Variants in GSE1 observed in about 807,000 individuals in gnomAD.
GSE1 encodes genetic suppressor element 1.
GSE1 carries 32 observed loss-of-function variants against 112.6 expected under a neutral mutation model. That is an observed-to-expected ratio of 0.28 (90% CI 0.21 to 0.38). GSE1 has a LOEUF of 0.38. Ranked by LOEUF, GSE1 falls within the 10% of genes least tolerant of loss-of-function variation. GSE1 has a pLI of 1.00. For missense variants in GSE1, 2,348 were observed against 1,699.2 expected (o/e 1.38, Z -6.71); for synonymous variants, 1,115 against 735.6 (o/e 1.52, Z -8.35).
chr16:85,518,456 G>A (rs532029999), intron 2 of GSE1, among the ~76,000 whole-genome samples: 4 of 152,226 alleles, frequency 2.6e-5, no homozygotes, highest in South Asian at 2.1e-4. Flanking sequence ...AGAGGAAACC[G>A]AGGCGCAGAA....
At chr16:85,606,842 C>G (rs2047723726), upstream of GSE1, among the ~76,000 whole-genome samples, 1 of 152,208 alleles carries the variant, frequency 6.6e-6, no homozygotes, top group African/African-American at 2.4e-5. Context: ...GTGGCAGAAG[C>G]GTCCAAAACT....
intron 2 of GSE1, among the ~76,000 whole-genome samples, chr16:85,437,165 C>G (rs926330268): frequency 5.9e-5 from 9 of 152,106 alleles, no homozygotes; most frequent in Admixed American, 5.2e-4. Context: ...AGTCCCCCAA[C>G]CCTCTGAGGC....
intron 1 of GSE1, among the ~76,000 whole-genome samples, chr16:85,578,544 G>A (rs2046324587): frequency 6.6e-6 from 1 of 152,154 alleles, no homozygotes. Context: ...TGTGGTTACT[G>A]TTTTTATTTT....
chr16:85,203,415 A>T (rs1203462193), intron 1 of GSE1, among the ~76,000 whole-genome samples: 1 of 152,316 alleles, frequency 6.6e-6, no homozygotes, highest in East Asian at 1.9e-4. Context: ...GGGCAGAGCC[A>T]AGGCCTGAGG....
At chr16:85,374,358 G>T (rs1199293466) in intron 2 of GSE1, among the ~76,000 whole-genome samples, 2 of 149,610 alleles carry the variant, frequency 1.3e-5, no homozygotes, top group African/African-American at 4.9e-5. Flanking sequence ...CGTGGCCCTC[G>T]GTGTGCAGTG....
At chr16:85,192,860 G>A (rs1395026180) in intron 1 of GSE1, among the ~76,000 whole-genome samples, 2 of 152,120 alleles carry the variant, frequency 1.3e-5, no homozygotes, top group South Asian at 2.1e-4. Context: ...AAGCTGCCTC[G>A]CCCTTTTGGG....
At chr16:85,307,402 G>A (rs1036386179) in intron 1 of GSE1, among the ~76,000 whole-genome samples, 1 of 152,196 alleles carries the variant, frequency 6.6e-6, no homozygotes, top group Non-Finnish European at 1.5e-5. Flanking sequence ...ACAGCGCTCA[G>A]TTTCAGTAAT....
intron 1 of GSE1, among the ~76,000 whole-genome samples, chr16:85,245,642 TAAAA>T (rs1486964068): frequency 6.6e-6 from 1 of 152,212 alleles, no homozygotes; most frequent in Non-Finnish European, 1.5e-5. Flanking sequence ...TTTTAACTCT[TAAAA>T]TAGTCCTTAC....
chr16:85,375,703 G>A (rs2047404447), intron 2 of GSE1, among the ~76,000 whole-genome samples: 1 of 148,946 alleles, frequency 6.7e-6, no homozygotes, highest in Non-Finnish European at 1.5e-5. Context: ...CATGAGCCCA[G>A]GCTGGGCCAG....
intron 1 of GSE1, among the ~76,000 whole-genome samples, chr16:85,618,015 G>T (rs533394396): frequency 6.6e-6 from 1 of 152,288 alleles, no homozygotes; most frequent in East Asian, 1.9e-4. Context: ...ATTCTTGCCT[G>T]GCCCAGGTGT....
intron 2 of GSE1, among the ~76,000 whole-genome samples, chr16:85,458,740 C>T (rs2049899963): frequency 6.6e-6 from 1 of 152,150 alleles, no homozygotes; most frequent in South Asian, 2.1e-4. Flanking sequence ...CAGAGCAAGG[C>T]TGTGTCCTCC....
At chr16:85,435,212 G>A (rs1258675450) in intron 2 of GSE1, among the ~76,000 whole-genome samples, 2 of 152,212 alleles carry the variant, frequency 1.3e-5, no homozygotes, top group Non-Finnish European at 2.9e-5. Flanking sequence ...CCCTGCACAC[G>A]CCAGGAGGTG....
chr16:85,531,311 G>A (rs2044127808), intron 2 of GSE1, among the ~76,000 whole-genome samples: 1 of 152,222 alleles, frequency 6.6e-6, no homozygotes, highest in South Asian at 2.1e-4. Context: ...CTGGGGCAGA[G>A]AGGTCAGATG....
At chr16:85,582,662 G>A (rs1262706514) in intron 1 of GSE1, among the ~76,000 whole-genome samples, 1 of 152,124 alleles carries the variant, frequency 6.6e-6, no homozygotes, top group Admixed American at 6.5e-5. Flanking sequence ...CTGGAGCTCA[G>A]TCCTCCCCGT....
intron 2 of GSE1, among the ~76,000 whole-genome samples, chr16:85,382,924 A>G (rs1372873311): frequency 1.3e-5 from 2 of 151,772 alleles, no homozygotes; most frequent in Non-Finnish European, 2.9e-5. Context: ...ATACATGCAC[A>G]CACGCGCACA....
intron 1 of GSE1, among the ~76,000 whole-genome samples, chr16:85,228,263 G>A (rs1056995795): frequency 1.4e-4 from 22 of 152,376 alleles, no homozygotes; most frequent in Non-Finnish European, 5.9e-5. Context: ...AGGGCTTTGC[G>A]ACGGGTTTGT....
chr16:85,651,793 C>T (rs949107945), intron 3 of GSE1, among the ~76,000 whole-genome samples: 2 of 152,212 alleles, frequency 1.3e-5, no homozygotes, highest in African/African-American at 4.8e-5. Flanking sequence ...AGTCCAGGTA[C>T]CCCGGGTGCC....
Position 85,238,390 on chromosome 16 carries a change from C to T in GSE1, c.2283+66583C>T, listed in dbSNP as rs146591846. Among the ~76,000 whole-genome samples the T allele has an allele frequency of 3.9e-4, 60 of 152,308 alleles. No individual in the cohort carries two copies. In the East Asian group the frequency reaches 4.5e-3, roughly 11 times the overall value. ...GGCGGTGTTCCGGAGACATCCTCTG[C>T]CCCCCGCACCCCTGCAGCGGTAGCC... On this transcript the variant is annotated intron_variant, in intron 1 of 2. Transcript: ENST00000637419.
chr16:85,653,408 G>A (rs946246877), intron 3 of GSE1, among the ~76,000 whole-genome samples: 5 of 147,324 alleles, frequency 3.4e-5, no homozygotes, highest in Admixed American at 2.7e-4. Context: ...TGTGTGCGGG[G>A]CAGCCTCTGC....
Sources: allele counts gnomAD v4.1 joint callset (sites outside exome capture counted in the v4.1 genomes callset), GRCh38; gene constraint gnomAD v4.1.1; transcripts MANE v1.5; gene names NCBI Gene and HGNC (gene_info 2026-07-23, HGNC 2026-07-21).